The following HYDIN variants were observed in gnomAD, a reference collection of about 807,000 sequenced individuals.
The protein encoded by HYDIN is HYDIN axonemal central pair apparatus protein.
Under a neutral mutation model 403.9 loss-of-function variants are expected in HYDIN, and 132 were observed. The ratio of observed to expected loss-of-function variants is 0.33; its 90% CI spans 0.28 to 0.38. The LOEUF is 0.38. Among genes scored for constraint, HYDIN ranks in the 10% least tolerant of loss-of-function variants. The pLI is 1.00. For synonymous variants in HYDIN, 1,202 were observed against 1,891.7 expected (o/e 0.64, Z 9.46); for missense variants, 2,827 against 5,009.5 (o/e 0.56, Z 13.15).
At chr16:71,116,305 T>C (rs1039328999) in intron 9 of HYDIN, among the ~76,000 whole-genome samples, 1 of 151,912 alleles carries the variant, frequency 6.6e-6, no homozygotes, top group Non-Finnish European at 1.5e-5. Context: ...TTTCTGTGTC[T>C]GGCTTATTTC....
At chr16:70,811,101 T>C (rs1333929900) in intron 84 of HYDIN, among the ~76,000 whole-genome samples, 1 of 152,182 alleles carries the variant, frequency 6.6e-6, no homozygotes, top group Non-Finnish European at 1.5e-5. Flanking sequence ...GGTTTTACTA[T>C]GAGTAAGTAT....
chr16:71,213,755 C>G (rs1271489160), intron 1 of HYDIN, among the ~76,000 whole-genome samples: 1 of 151,944 alleles, frequency 6.6e-6, no homozygotes, highest in African/African-American at 2.4e-5. Context: ...AAGTTATTAG[C>G]AAATTAAAAA....
chr16:70,932,588 GT>G (rs200476751), intron 45 of HYDIN, among the ~76,000 whole-genome samples: 21 of 148,446 alleles, frequency 1.4e-4, no homozygotes, highest in African/African-American at 2.9e-4. Flanking sequence ...TAAGAAGTGG[GT>G]TTTTTTTTTT....
At chr16:71,175,512 C>T in intron 5 of HYDIN, 95 bp downstream of exon 5, 2 of 1,296,742 alleles carry the variant, frequency 1.5e-6, no homozygotes, top group Non-Finnish European at 2.2e-6. Flanking sequence ...ACCACCACCA[C>T]CACCACCACC....
At chr16:70,949,347 T>C (rs922178870) in intron 41 of HYDIN, among the ~76,000 whole-genome samples, 1 of 149,310 alleles carries the variant, frequency 6.7e-6, no homozygotes, top group African/African-American at 2.4e-5. Flanking sequence ...CTGGGAGATA[T>C]ACCTAATGTT....
chr16:71,065,366 G>C lies in HYDIN; in HGVS notation c.2076-526C>G, dbSNP rs1197774274. ...CTTGGTCCAGAACTGGCACTGTGAC[G>C]GGGTTGTCACTGTGCCGACATGGCG... On this transcript the variant is annotated intron_variant, in intron 15 of 85. Transcript: ENST00000393567. Among the ~76,000 whole-genome samples, 4 of 152,236 alleles carry C rather than the reference G, an allele frequency of 2.6e-5. No homozygotes were observed. In the South Asian group the frequency reaches 8.3e-4, roughly 32 times the overall value.
At chr16:71,176,494 T>C (rs1394023100) in intron 4 of HYDIN, among the ~76,000 whole-genome samples, 1 of 152,116 alleles carries the variant, frequency 6.6e-6, no homozygotes, top group African/African-American at 2.4e-5. Flanking sequence ...ATCCTCACCA[T>C]AATCTTTGAG....
chr16:71,106,349 T>G (rs1315735524), intron 10 of HYDIN, among the ~76,000 whole-genome samples: 3 of 149,270 alleles, frequency 2.0e-5, no homozygotes, highest in Non-Finnish European at 4.4e-5. Flanking sequence ...TCACAAATAC[T>G]TCAAGGGTCA....
intron 1 of HYDIN, among the ~76,000 whole-genome samples, chr16:71,189,134 T>C (rs1034139360): frequency 2.2e-4 from 34 of 152,222 alleles, no homozygotes; most frequent in African/African-American, 7.0e-4. Context: ...TACATATGCA[T>C]GTACATCTGA....
intron 53 of HYDIN, 88 bp from the exon 54 acceptor site, chr16:70,896,168 C>G (rs1011929957): frequency 5.9e-6 from 9 of 1,523,670 alleles, no homozygotes; most frequent in Non-Finnish European, 8.8e-7. Context: ...GGGGATACGG[C>G]AGGGAACGTT....
At chr16:70,823,713 GCAACT>G (rs2036408508) in intron 83 of HYDIN, among the ~76,000 whole-genome samples, 1 of 152,046 alleles carries the variant, frequency 6.6e-6, no homozygotes, top group East Asian at 1.9e-4. Context: ...CTGCACATGT[GCAACT>G]CTTAGCCAAG....
At position 71,179,014 on chromosome 16, in the gene HYDIN, G is replaced by C; in HGVS notation, c.295C>G (p.Gln99Glu). Reference protein sequence around the residue: ...SGIDLDQALFQPFPSEIIFQN... With the variant: ...SGIDLDQALFEPFPSEIIFQN... ...AATATAATTTCTGATGGAAAGGGCT[G>C]GAATAATGCCTGATCCAGGTCAATT... Residue 99 changes from glutamine to glutamate, a missense_variant, in exon 4 of 86, where the codon CAG becomes GAG. Gln to Glu is a conservative substitution (Grantham distance 29, BLOSUM62 2). Transcript: ENST00000393567. 6.2e-7 allele frequency: 1 copy of C among 1,611,762 alleles called. No homozygotes were observed. The highest frequency in any genetic ancestry group is 8.5e-7 in the Non-Finnish European group (1 of 1,178,240).
intron 11 of HYDIN, 63 bp downstream of exon 11, chr16:71,093,749 TATAAG>T (rs5817750): frequency 6.4e-7 from 1 of 1,559,330 alleles, no homozygotes; most frequent in African/African-American, 1.4e-5. Context: ...AATAAAAACA[TATAAG>T]ATAAAACAAA....
intron 62 of HYDIN, among the ~76,000 whole-genome samples, chr16:70,877,999 G>A (rs1390693205): frequency 6.6e-6 from 1 of 152,118 alleles, no homozygotes; most frequent in Non-Finnish European, 1.5e-5. Context: ...CAGTTGGTAG[G>A]AAAAGGGTCC....
At chr16:70,890,554 T>G (rs991566149) in intron 57 of HYDIN, among the ~76,000 whole-genome samples, 5 of 152,146 alleles carry the variant, frequency 3.3e-5, no homozygotes, top group Non-Finnish European at 7.4e-5. Context: ...TACAGAAATA[T>G]AAAACAACTA....
chr16:71,204,096 T>G (rs1024058856), intron 1 of HYDIN: 1 of 189,532 alleles, frequency 5.3e-6, no homozygotes, highest in African/African-American at 2.3e-5. Flanking sequence ...CATTATCAGG[T>G]TCTAAAGATT....
intron 52 of HYDIN, among the ~76,000 whole-genome samples, chr16:70,902,821 A>ATATTTTTTTTTTTTT: frequency 6.3e-5 from 3 of 47,310 alleles, no homozygotes; most frequent in Admixed American, 2.5e-4. Context: ...ATATATATAT[A>ATATTTTTTTTTTTTT]TTTTTTTTTT....
intron 4 of HYDIN, 140 bp downstream of exon 4, chr16:71,178,788 A>G (rs1196168765): frequency 1.3e-6 from 1 of 745,138 alleles, no homozygotes; most frequent in African/African-American, 1.8e-5. Flanking sequence ...TAAGTTTACA[A>G]TCAAAGAAGA....
At chr16:71,106,375 T>C (rs992617487) in intron 10 of HYDIN, among the ~76,000 whole-genome samples, 6 of 140,372 alleles carry the variant, frequency 4.3e-5, no homozygotes, top group African/African-American at 1.7e-4. Flanking sequence ...TCTGGAAAGC[T>C]TTCCTTGACA....
Sources: gnomAD v4.1 joint callset for allele counts (sites outside exome capture counted in the v4.1 genomes callset) on GRCh38, gnomAD v4.1.1 for gene constraint, MANE v1.5 for transcripts, NCBI Gene and HGNC (gene_info 2026-07-23, HGNC 2026-07-21) for gene names.